The following MTREX variants were observed in gnomAD, a reference collection of about 807,000 sequenced individuals.
MTREX encodes exosome RNA helicase MTR4.
MTREX carries 76 observed loss-of-function variants against 135.4 expected under a neutral mutation model. The observed-to-expected ratio is 0.56, with a 90% CI of 0.47 to 0.68. The LOEUF (loss-of-function observed/expected upper bound fraction) is 0.68, where lower values mean the gene tolerates loss of function less well. Among genes scored for constraint, MTREX ranks in the 30% least tolerant of loss-of-function variants. The pLI, the probability that MTREX is intolerant of heterozygous loss-of-function variation, is 0.00. For missense variants in MTREX, 920 were observed against 1,262.1 expected, an observed-to-expected ratio of 0.73 and a Z score of 4.11; for synonymous variants, 404 against 401.6, an observed-to-expected ratio of 1.01 and a Z score of -0.07.
chr5:55,393,246 G>C (rs1181617795), intron 19 of MTREX, among the ~76,000 whole-genome samples: 2 of 152,114 alleles, frequency 1.3e-5, no homozygotes, highest in Non-Finnish European at 2.9e-5. Context: ...GCAAGCCTTT[G>C]GTTAATTTCC....
At chr5:55,404,047 G>C (rs1004238202) in intron 21 of MTREX, among the ~76,000 whole-genome samples, 4 of 152,088 alleles carry the variant, frequency 2.6e-5, no homozygotes, top group Admixed American at 6.5e-5. Context: ...CTACCTTTTA[G>C]GATTGCTATA....
At chr5:55,321,170 A>G (rs1435285328) in intron 1 of MTREX, among the ~76,000 whole-genome samples, 1 of 152,204 alleles carries the variant, frequency 6.6e-6, no homozygotes, top group Non-Finnish European at 1.5e-5. Flanking sequence ...AATATTGCAA[A>G]TATCAATAGA....
chr5:55,345,211 T>A lies in MTREX; in HGVS notation c.1108+15T>A. 1 of 1,517,770 alleles carries A rather than the reference T, an allele frequency of 6.6e-7. No individual in the cohort carries two copies. Among genetic ancestry groups the A allele is most frequent in the Non-Finnish European group, 9.1e-7 (1 of 1,095,788 alleles). 94.0% of individuals were successfully genotyped at this position (1,517,770 alleles called of 1,614,324 possible). A position where few individuals can be genotyped will look rare whatever the true frequency, so the allele number is the denominator to read the frequency against. On this transcript the variant is annotated intron_variant, in intron 10 of 26. Transcript: ENST00000230640. ...AGGAACAAAAGGTAATTTGGAACTT[T>A]GCTTTGAGAGAATTTTACATGTAAA...
intron 4 of MTREX, among the ~76,000 whole-genome samples, chr5:55,328,186 A>G (rs1579851286): frequency 6.6e-6 from 1 of 152,122 alleles, no homozygotes; most frequent in African/African-American, 2.4e-5. Flanking sequence ...TTAAGGTTTA[A>G]TTTTCCAAGT....
At chr5:55,375,379 C>T (rs1376821513) in intron 16 of MTREX, among the ~76,000 whole-genome samples, 2 of 152,126 alleles carry the variant, frequency 1.3e-5, no homozygotes, top group Admixed American at 6.6e-5. Flanking sequence ...GAGACCTACT[C>T]CTAGGTGTGC....
At chr5:55,405,310 G>C in intron 21 of MTREX, 115 bp from the exon 22 acceptor site, 1 of 879,870 alleles carries the variant, frequency 1.1e-6, no homozygotes, top group South Asian at 1.9e-5. Flanking sequence ...CTTTAACCCA[G>C]AAGTATACTG....
At chr5:55,350,702 A>G (rs894715185) in intron 12 of MTREX, among the ~76,000 whole-genome samples, 3 of 152,222 alleles carry the variant, frequency 2.0e-5, no homozygotes, top group African/African-American at 7.2e-5. Flanking sequence ...TTTGTAAAGT[A>G]TACTTACTAT....
rs1750623436 is a variant in MTREX, at chr5:55,394,842, G to C, written c.2182-2574G>C. The stretch of plus-strand genomic sequence containing the variant: ...GAGGTCAGGAGTTTAAGACCAGCCT[G>C]TCTAACATGGTGTAACCCCATCTCT... On this transcript the variant is annotated intron_variant, in intron 19 of 26. Transcript: ENST00000230640. 2.6e-5 allele frequency among the ~76,000 whole-genome samples: 4 copies of C among 152,238 alleles called. No individual in the cohort carries two copies. In the South Asian group the frequency reaches 8.3e-4, roughly 32 times the overall value.
chr5:55,410,749 A>G (rs1029740087), intron 23 of MTREX, 120 bp downstream of exon 23: 6 of 470,266 alleles, frequency 1.3e-5, no homozygotes, highest in African/African-American at 1.2e-4. Flanking sequence ...TGTTAATTGG[A>G]AATCACAGCA....
intron 26 of MTREX, 74 bp from the exon 27 acceptor site, chr5:55,424,646 T>C: frequency 9.2e-7 from 1 of 1,091,674 alleles, no homozygotes; most frequent in East Asian, 2.4e-5. Flanking sequence ...GTATACTGGC[T>C]TTAAAATTTC....
Position 55,379,888 on chromosome 5 carries a change from G to A in MTREX, c.2052+693G>A, listed in dbSNP as rs181002673. Among the ~76,000 whole-genome samples, 297 of 152,268 alleles carry A rather than the reference G, an allele frequency of 2.0e-3. 3 individuals are homozygous for A. The highest frequency in any genetic ancestry group is 1.6e-3 in the Non-Finnish European group (112 of 68,004). ...AAGGCAGAATATTTTTACCTATACT[G>A]AAGTGCTGTAGATTCCTTTCACCTT... On this transcript the variant is annotated intron_variant, in intron 18 of 26. Transcript: ENST00000230640.
At chr5:55,322,653 T>A (rs1029705625) in intron 2 of MTREX, among the ~76,000 whole-genome samples, 189 bp downstream of exon 2, 1 of 152,158 alleles carries the variant, frequency 6.6e-6, no homozygotes, top group Non-Finnish European at 1.5e-5. Flanking sequence ...GAAAGCAATA[T>A]GGAAAATACT....
chr5:55,378,403 G>A lies in MTREX; in HGVS notation c.1900G>A (p.Ala634Thr), dbSNP rs757803761. ...CTATTATAAGATTAGACAGCAGCTT[G>A]CCAAATTGGGTAAAGAAATTGAAGA... is the stretch of plus-strand genomic sequence containing the variant. ...VIYYKIRQQL[A>T]KLGKEIEEYI... The change falls in exon 17 of 27, where the codon GCC becomes ACC. Residue 634 changes from alanine (A) to threonine (T), a missense_variant. This residue lies in a region of MTREX where 467 missense variants were observed against 589.7 expected (regional missense o/e 0.79). Transcript: ENST00000230640. 7 of 1,612,366 alleles carry A rather than the reference G, an allele frequency of 4.3e-6. No homozygotes were observed. Among genetic ancestry groups the A allele is most frequent in the Non-Finnish European group, 5.9e-6 (7 of 1,179,494 alleles).
At chr5:55,316,677 A>T (rs1351414244) in intron 1 of MTREX, among the ~76,000 whole-genome samples, 1 of 152,204 alleles carries the variant, frequency 6.6e-6, no homozygotes, top group African/African-American at 2.4e-5. Flanking sequence ...AACCAACATT[A>T]TACTGAAAAA....
At chr5:55,331,106 A>G (rs1265166019) in intron 5 of MTREX, among the ~76,000 whole-genome samples, 1 of 151,826 alleles carries the variant, frequency 6.6e-6, no homozygotes, top group Non-Finnish European at 1.5e-5. Flanking sequence ...GAGCATATAG[A>G]GTACTGTTAT....
At position 55,353,220 on chromosome 5, in the gene MTREX, C is replaced by G. The variant is rs1275259522; in HGVS notation, c.1484C>G (p.Thr495Ser). The G allele has an allele frequency of 1.2e-6, 2 of 1,610,394 alleles. No individual in the cohort carries two copies. Among genetic ancestry groups the G allele is most frequent in the Non-Finnish European group, 1.7e-6 (2 of 1,178,438 alleles). ...ATGGGAATTAACATGCCAGCTAGAACTGTTTTATTTACAAATGCCCGCAAA... is the reference window on the plus strand; with the variant it reads ...ATGGGAATTAACATGCCAGCTAGAAGTGTTTTATTTACAAATGCCCGCAAA... ...FAMGINMPAR[T>S]VLFTNARKFD... Residue 495 changes from threonine to serine, a missense_variant, in exon 14 of 27, where the codon ACT becomes AGT. Coordinates refer to ENST00000230640, the MANE Select transcript of MTREX (RefSeq NM_015360.5).
intron 26 of MTREX, chr5:55,423,564 C>CA (rs1751089820): frequency 6.5e-6 from 1 of 152,800 alleles, no homozygotes; most frequent in South Asian, 2.1e-4. Flanking sequence ...CTCAACTCTG[C>CA]AGTGACTGGA....
chr5:55,338,082 A>G (rs1184122845), intron 5 of MTREX, among the ~76,000 whole-genome samples: 2 of 152,194 alleles, frequency 1.3e-5, no homozygotes, highest in African/African-American at 2.4e-5. Flanking sequence ...ATACAGTATA[A>G]TCATTGCTTT....
chr5:55,310,361 A>G (rs1749091426), intron 1 of MTREX, among the ~76,000 whole-genome samples: 1 of 152,180 alleles, frequency 6.6e-6, no homozygotes, highest in Non-Finnish European at 1.5e-5. Context: ...CTCTAATCCC[A>G]CTTTGGGAGG....
Sources: gnomAD v4.1 joint callset for allele counts (sites outside exome capture counted in the v4.1 genomes callset) on GRCh38, gnomAD v4.1.1 for gene constraint, gnomAD v4.1.1 regional missense constraint, MANE v1.5 for transcripts, NCBI Gene and HGNC (gene_info 2026-07-23, HGNC 2026-07-21) for gene names.